The following SGCD variants were observed in gnomAD, a reference collection of about 807,000 sequenced individuals.
The protein encoded by SGCD is delta-sarcoglycan.
In SGCD, 18 loss-of-function variants were observed where a neutral mutation model predicts 36.6. The ratio of observed to expected loss-of-function variants is 0.49; its 90% CI spans 0.34 to 0.73. The LOEUF (loss-of-function observed/expected upper bound fraction) is 0.73. SGCD is among the 30% of genes least tolerant of loss of function. The probability of loss-of-function intolerance (pLI) is 0.01; values close to 1 mark genes in which losing one functional copy is unlikely to be tolerated. For synonymous variants in SGCD, 133 were observed against 130.6 expected (o/e 1.02, Z -0.12); for missense variants, 387 against 346.7 (o/e 1.12, Z -0.92).
At chr5:156,298,651 G>A (rs1336381876) in intron 3 of SGCD, among the ~76,000 whole-genome samples, 1 of 141,184 alleles carries the variant, frequency 7.1e-6, no homozygotes, top group South Asian at 2.2e-4. Flanking sequence ...GGCTGGTCTC[G>A]AACTCCTGAC....
chr5:155,790,193 G>A, the SGCD span, among the ~76,000 whole-genome samples: 1 of 151,926 alleles, frequency 6.6e-6, no homozygotes, highest in Non-Finnish European at 1.5e-5. Context: ...TATTACCATA[G>A]GTCTTCTGTT....
intron 3 of SGCD, among the ~76,000 whole-genome samples, chr5:156,502,549 G>T (rs1300500074): frequency 6.6e-6 from 1 of 151,902 alleles, no homozygotes; most frequent in Non-Finnish European, 1.5e-5. Context: ...TGCCCAGTTT[G>T]CTCTTAAACT....
At chr5:156,670,494 T>C (rs1213275688) in intron 7 of SGCD, among the ~76,000 whole-genome samples, 1 of 152,210 alleles carries the variant, frequency 6.6e-6, no homozygotes, top group Non-Finnish European at 1.5e-5. Context: ...CTGCTGGGTG[T>C]ATAGACAGAA....
At chr5:155,823,780 G>A in the SGCD span, among the ~76,000 whole-genome samples, 1 of 152,184 alleles carries the variant, frequency 6.6e-6, no homozygotes, top group Admixed American at 6.5e-5. Context: ...GTTAGACAAA[G>A]CATTGCCTGG....
chr5:155,889,776 G>A (rs541877159), intron 1 of SGCD, among the ~76,000 whole-genome samples: 4 of 152,254 alleles, frequency 2.6e-5, no homozygotes, highest in South Asian at 2.1e-4. Flanking sequence ...ATCACAGACC[G>A]TATTTGGGGC....
At chr5:156,496,797 C>T (rs1756212661) in intron 3 of SGCD, among the ~76,000 whole-genome samples, 1 of 152,094 alleles carries the variant, frequency 6.6e-6, no homozygotes, top group Non-Finnish European at 1.5e-5. Context: ...TAAAGAGCAG[C>T]AAAGTGCTTA....
chr5:155,861,735 A>T, the SGCD span, among the ~76,000 whole-genome samples: 16 of 151,866 alleles, frequency 1.1e-4, no homozygotes, highest in African/African-American at 3.9e-4. Flanking sequence ...AATAAATAAA[A>T]AAGAAAGAAA....
the SGCD span, among the ~76,000 whole-genome samples, chr5:155,846,599 C>T: frequency 6.6e-6 from 1 of 152,142 alleles, no homozygotes. Context: ...TTCTAAAAGT[C>T]ATTGGTTCAA....
Position 156,542,704 on chromosome 5 carries a change from G to C in SGCD, c.294+34002G>C, listed in dbSNP as rs144280174. On this transcript the variant is annotated intron_variant, in intron 4 of 8. Coordinates refer to ENST00000337851, the MANE Select transcript of SGCD (RefSeq NM_000337.6). ...TTAAGGCTTATGAGCTGCACGACCA[G>C]CATTCCTACTTATGCAGTGTGACTT... Among the ~76,000 whole-genome samples, 627 of 152,262 alleles carry C rather than the reference G, an allele frequency of 4.1e-3. 1 individual carries two copies. The highest frequency in any genetic ancestry group is 7.6e-3 in the Non-Finnish European group (517 of 68,032).
At chr5:156,724,213 T>TA (rs1432967818) in intron 7 of SGCD, among the ~76,000 whole-genome samples, 2 of 152,136 alleles carry the variant, frequency 1.3e-5, no homozygotes, top group Non-Finnish European at 2.9e-5. Context: ...TGCACCAGGG[T>TA]AGGCACTGGA....
At chr5:156,414,264 T>C (rs1772916911) in intron 3 of SGCD, among the ~76,000 whole-genome samples, 1 of 152,228 alleles carries the variant, frequency 6.6e-6, no homozygotes. Flanking sequence ...TCTACCAGGC[T>C]CAATCTTTAA....
intron 7 of SGCD, among the ~76,000 whole-genome samples, chr5:156,702,196 A>C (rs777795242): frequency 1.3e-5 from 2 of 152,164 alleles, no homozygotes; most frequent in African/African-American, 4.8e-5. Flanking sequence ...ATGTTGACTT[A>C]GTACTTTAAC....
At chr5:156,213,570 C>T (rs781113253) in intron 3 of SGCD, among the ~76,000 whole-genome samples, 1 of 152,006 alleles carries the variant, frequency 6.6e-6, no homozygotes, top group South Asian at 2.1e-4. Context: ...TTCTCCTCTA[C>T]CTCTTTCAAA....
intron 3 of SGCD, 30 bp from the exon 4 acceptor site, chr5:156,508,571 C>T: frequency 7.0e-7 from 1 of 1,434,442 alleles, no homozygotes; most frequent in East Asian, 2.3e-5. Flanking sequence ...CTAATCATAT[C>T]TTCCTTGTTA....
intron 1 of SGCD, among the ~76,000 whole-genome samples, chr5:155,878,272 C>T (rs950930245): frequency 3.9e-5 from 6 of 152,092 alleles, no homozygotes; most frequent in Admixed American, 1.3e-4. Flanking sequence ...AGTTCAGTGG[C>T]TTGAATCATA....
At chr5:156,313,621 C>T (rs1310212602) in intron 3 of SGCD, among the ~76,000 whole-genome samples, 6 of 152,064 alleles carry the variant, frequency 3.9e-5, no homozygotes, top group Admixed American at 3.9e-4. Flanking sequence ...CTCCGAATGT[C>T]TGTGGGAAAT....
At chr5:155,827,735 A>AT in the SGCD span, among the ~76,000 whole-genome samples, 3 of 131,500 alleles carry the variant, frequency 2.3e-5, no homozygotes, top group Non-Finnish European at 4.6e-5. Context: ...CTGGAGTGCA[A>AT]TGGTGTGATC....
At chr5:156,512,466 G>A (rs981202370) in intron 4 of SGCD, among the ~76,000 whole-genome samples, 4 of 152,192 alleles carry the variant, frequency 2.6e-5, no homozygotes, top group African/African-American at 9.7e-5. Context: ...CAGCCTGGGT[G>A]TGTAGTAGAG....
chr5:155,842,467 G>A, the SGCD span, among the ~76,000 whole-genome samples: 1 of 152,020 alleles, frequency 6.6e-6, no homozygotes, highest in Non-Finnish European at 1.5e-5. Flanking sequence ...CAGCTACTCA[G>A]GAGGCTGAGG....
Sources: allele counts gnomAD v4.1 joint callset (sites outside exome capture counted in the v4.1 genomes callset), GRCh38; gene constraint gnomAD v4.1.1; transcripts MANE v1.5; gene names NCBI Gene and HGNC (gene_info 2026-07-23, HGNC 2026-07-21).